Variants in OPCML observed in about 807,000 individuals in gnomAD.
OPCML encodes opioid binding protein/cell adhesion molecule like.
A neutral mutation model predicts 37.8 loss-of-function variants in OPCML; 13 were observed. The observed-to-expected ratio is 0.34, with a 90% CI of 0.22 to 0.55. The LOEUF is 0.55. Ranked by LOEUF, OPCML falls within the 20% of genes least tolerant of loss-of-function variation. OPCML has a pLI of 0.91. For missense variants in OPCML, 341 were observed against 435.6 expected, an observed-to-expected ratio of 0.78 and a Z score of 1.93; for synonymous variants, 176 against 168.8, an observed-to-expected ratio of 1.04 and a Z score of -0.33.
At chr11:133,018,076 T>C (rs1303831248) in intron 1 of OPCML, among the ~76,000 whole-genome samples, 1 of 152,096 alleles carries the variant, frequency 6.6e-6, no homozygotes, top group Non-Finnish European at 1.5e-5. Context: ...TTCTCAAGGG[T>C]GGGGATCTCT....
intron 1 of OPCML, among the ~76,000 whole-genome samples, chr11:133,435,856 A>G (rs1269010485): frequency 6.6e-6 from 1 of 152,252 alleles, no homozygotes; most frequent in Non-Finnish European, 1.5e-5. Context: ...ACAAGAGCAC[A>G]TTACGCATAT....
At chr11:133,441,485 T>C (rs1185652318) in intron 1 of OPCML, among the ~76,000 whole-genome samples, 1 of 152,194 alleles carries the variant, frequency 6.6e-6, no homozygotes, top group East Asian at 1.9e-4. Context: ...GACTGTTTCA[T>C]AGAAAACTAA....
intron 1 of OPCML, among the ~76,000 whole-genome samples, chr11:133,413,974 G>A (rs946420101): frequency 6.6e-6 from 1 of 152,162 alleles, no homozygotes; most frequent in Non-Finnish European, 1.5e-5. Flanking sequence ...AAGCAAGAGG[G>A]AATGTTCCCT....
intron 1 of OPCML, among the ~76,000 whole-genome samples, chr11:133,263,338 G>A (rs980610610): frequency 3.9e-5 from 6 of 152,064 alleles, no homozygotes; most frequent in African/African-American, 1.4e-4. Flanking sequence ...ATTATATACT[G>A]TATTTTTACC....
chr11:133,255,833 T>C (rs1941294503), intron 1 of OPCML, among the ~76,000 whole-genome samples: 1 of 152,232 alleles, frequency 6.6e-6, no homozygotes, highest in African/African-American at 2.4e-5. Flanking sequence ...TTTCAATGTA[T>C]ACTTTATAAA....
At chr11:132,867,374 C>T (rs527727535) in intron 2 of OPCML, among the ~76,000 whole-genome samples, 2 of 152,194 alleles carry the variant, frequency 1.3e-5, no homozygotes, top group East Asian at 1.9e-4. Context: ...AAAGGAAATC[C>T]GACTGGTGAC....
chr11:132,801,174 G>T (rs1938626810), intron 2 of OPCML, among the ~76,000 whole-genome samples: 1 of 152,008 alleles, frequency 6.6e-6, no homozygotes, highest in African/African-American at 2.4e-5. Flanking sequence ...TATTTTGTAG[G>T]CATACAGTTA....
At chr11:133,244,371 C>A (rs1940842677) in intron 1 of OPCML, among the ~76,000 whole-genome samples, 1 of 151,966 alleles carries the variant, frequency 6.6e-6, no homozygotes. Context: ...TTGCCAAGCA[C>A]CCCCAAAATG....
At chr11:133,433,251 C>CAAAGAAAAAAAAA (rs1946163208) in intron 1 of OPCML, among the ~76,000 whole-genome samples, 1 of 90,734 alleles carries the variant, frequency 1.1e-5, no homozygotes, top group African/African-American at 4.6e-5. Flanking sequence ...GACTCCGTCT[C>CAAAGAAAAAAAAA]AAAAAAAAAA....
intron 1 of OPCML, among the ~76,000 whole-genome samples, chr11:133,289,988 C>T (rs1272556301): frequency 1.3e-5 from 2 of 152,128 alleles, no homozygotes; most frequent in African/African-American, 2.4e-5. Context: ...AAAACTTGAC[C>T]ATGGGCAAAT....
chr11:133,437,602 G>A (rs1946262599), intron 1 of OPCML, among the ~76,000 whole-genome samples: 1 of 149,012 alleles, frequency 6.7e-6, no homozygotes, highest in South Asian at 2.1e-4. Flanking sequence ...AGCACGCCAT[G>A]CACTTCAAAA....
At chr11:132,547,701 T>A (rs924967892) in intron 3 of OPCML, among the ~76,000 whole-genome samples, 1 of 152,184 alleles carries the variant, frequency 6.6e-6, no homozygotes, top group African/African-American at 2.4e-5. Flanking sequence ...ATCTCCTAAC[T>A]TTTTTGAAGT....
intron 4 of OPCML, among the ~76,000 whole-genome samples, chr11:132,443,009 C>T (rs1330263501): frequency 6.6e-6 from 1 of 152,220 alleles, no homozygotes; most frequent in African/African-American, 2.4e-5. Flanking sequence ...GAGGCAATCC[C>T]CATCTGGTTT....
chr11:132,851,068 A>G (rs1338746374), intron 2 of OPCML, among the ~76,000 whole-genome samples: 2 of 152,216 alleles, frequency 1.3e-5, no homozygotes, highest in African/African-American at 4.8e-5. Flanking sequence ...ATTGAAATGT[A>G]GCATATCCTT....
At chr11:132,868,361 G>A (rs1340602483) in intron 2 of OPCML, among the ~76,000 whole-genome samples, 3 of 145,708 alleles carry the variant, frequency 2.1e-5, no homozygotes, top group South Asian at 4.3e-4. Flanking sequence ...GGGTAAGGAG[G>A]TGCATGAAAT....
intron 1 of OPCML, among the ~76,000 whole-genome samples, chr11:133,279,737 G>A (rs1029614042): frequency 6.6e-6 from 1 of 151,994 alleles, no homozygotes; most frequent in Non-Finnish European, 1.5e-5. Flanking sequence ...AGCAGGCAGA[G>A]AAATGAAAAT....
At chr11:132,667,514 G>A (rs181073894) in intron 2 of OPCML, among the ~76,000 whole-genome samples, 9 of 152,296 alleles carry the variant, frequency 5.9e-5, no homozygotes, top group Admixed American at 3.3e-4. Context: ...GGGAGCAAGT[G>A]CTAATGCAGG....
intron 3 of OPCML, among the ~76,000 whole-genome samples, chr11:132,582,915 A>G (rs1439711410): frequency 7.1e-6 from 1 of 141,672 alleles, no homozygotes; most frequent in Non-Finnish European, 1.5e-5. Flanking sequence ...GAGTGATCAT[A>G]GCTCACTGCA....
In OPCML at chr11:132,838,255, C is replaced by T. The variant is rs548556678; in HGVS notation, c.146+104671G>A. Among the ~76,000 whole-genome samples the T allele has an allele frequency of 7.2e-5, 11 of 152,130 alleles. No individual in the cohort carries two copies. In the South Asian group the frequency reaches 1.7e-3, roughly 23 times the overall value. ...ATGGTCCTTGCCCTCATGGTATTAA[C>T]GGTCAAGAGAAACAAGGCAATTAAT... On this transcript the variant is annotated intron_variant, in intron 2 of 7. Coordinates refer to ENST00000524381, the MANE Select transcript of OPCML (RefSeq NM_001012393.5).
Sources: allele counts gnomAD v4.1 joint callset (sites outside exome capture counted in the v4.1 genomes callset), GRCh38; gene constraint gnomAD v4.1.1; transcripts MANE v1.5; gene names NCBI Gene and HGNC (gene_info 2026-07-23, HGNC 2026-07-21).